Variants in KEAP1 observed in about 807,000 individuals in gnomAD.
KEAP1 encodes kelch like ECH associated protein 1.
In KEAP1, 26 loss-of-function variants were observed where a neutral mutation model predicts 59.7. The ratio of observed to expected loss-of-function variants is 0.44; its 90% CI spans 0.32 to 0.60. KEAP1 has a LOEUF of 0.60. KEAP1 is among the 20% of genes least tolerant of loss of function. KEAP1 has a pLI of 0.06. For synonymous variants in KEAP1, 350 were observed against 358.3 expected (o/e 0.98, Z 0.26); for missense variants, 539 against 871.4 (o/e 0.62, Z 4.80).
rs569481656 is a variant in KEAP1, at chr19:10,493,082, G to T, written c.640-820C>A. Among the ~76,000 whole-genome samples the T allele has an allele frequency of 3.9e-5, 6 of 151,916 alleles. No homozygotes were observed. In the South Asian group the frequency reaches 1.2e-3, roughly 32 times the overall value. ...GTGATCTTGCTTCACTGCAACCTCC[G>T]CCACCCAGGTTCAAGTGATTCTCCT... On this transcript the variant is annotated intron_variant, in intron 2 of 5. Transcript: ENST00000171111.
In KEAP1 at chr19:10,499,953, T is replaced by C. The variant is rs1480423994; in HGVS notation, c.81A>G (p.Ala27=). 1.2e-6 allele frequency: 2 copies of C among 1,606,476 alleles called. No individual in the cohort carries two copies. Among genetic ancestry groups the C allele is most frequent in the Non-Finnish European group, 8.5e-7 (1 of 1,174,784 alleles). ...LPLQSQCPEG[A]GDAVMYASTE... ...TGGAGGCGTACATCACCGCGTCCCC[T>C]GCCCCCTCAGGGCACTGTGACTGCA... The change falls in exon 2 of 6, where the codon GCA becomes GCG. Residue 27 remains alanine (A), a synonymous_variant. Coordinates refer to ENST00000171111, the MANE Select transcript of KEAP1 (RefSeq NM_203500.2). This position sits in a 1 kb window ranked among gnomAD's most constrained non-coding sequence, Gnocchi z 6.7.
At chr19:10,488,381 G>A (rs999662145) in intron 5 of KEAP1, among the ~76,000 whole-genome samples, 1 of 151,936 alleles carries the variant, frequency 6.6e-6, no homozygotes, top group Non-Finnish European at 1.5e-5. Context: ...GGGAGGCTGA[G>A]GTGGGCAGAT....
intron 1 of KEAP1, among the ~76,000 whole-genome samples, 167 bp from the exon 2 acceptor site, chr19:10,500,247 T>G (rs149392057): frequency 3.9e-5 from 6 of 152,342 alleles, no homozygotes; most frequent in African/African-American, 1.2e-4. Context: ...ATCAACCTGA[T>G]TGGCCCAAGA....
intron 3 of KEAP1, chr19:10,490,512 G>T (rs1914634515): frequency 6.6e-6 from 1 of 151,710 alleles, no homozygotes. Flanking sequence ...ATTGGGTTTC[G>T]CCATGTTGGC....
chr19:10,498,430 C>T (rs1175586788), intron 2 of KEAP1, among the ~76,000 whole-genome samples: 1 of 152,142 alleles, frequency 6.6e-6, no homozygotes, highest in Admixed American at 6.6e-5. Context: ...TGGTCTCAAA[C>T]TCCTGACCTC....
chr19:10,491,754 G>A lies in KEAP1; in HGVS notation c.1148C>T (p.Ser383Leu), dbSNP rs1319802890. Reference protein sequence around the residue: ...LLYAVGGRNNSPDGNTDSSAL... With the variant: ...LLYAVGGRNNLPDGNTDSSAL... Reference sequence around the variant, plus strand: ...GCTGGAGTCGGTGTTGCCGTCGGGCGAGTTGTTCCTGCCGCCCACGGCGTA... The same window carrying A: ...GCTGGAGTCGGTGTTGCCGTCGGGCAAGTTGTTCCTGCCGCCCACGGCGTA... Residue 383 changes from serine (S) to leucine (L), a missense_variant, in exon 3 of 6, where the codon TCG becomes TTG. This residue lies in a region of KEAP1 where 311 missense variants were observed against 425.2 expected (regional missense o/e 0.73). Coordinates refer to ENST00000171111, the MANE Select transcript of KEAP1 (RefSeq NM_203500.2). The surrounding 1 kb of genome is among the most constrained non-coding windows in gnomAD (Gnocchi z 5.2). The A allele has an allele frequency of 2.5e-6, 4 of 1,569,274 alleles. No individual in the cohort carries two copies. Among genetic ancestry groups the A allele is most frequent in the Non-Finnish European group, 3.5e-6 (4 of 1,156,794 alleles).
intron 2 of KEAP1, among the ~76,000 whole-genome samples, chr19:10,492,995 T>C (rs546612421): frequency 6.6e-6 from 1 of 151,260 alleles, no homozygotes; most frequent in South Asian, 2.1e-4. Flanking sequence ...TTAATTTTTA[T>C]TTTATTTTAT....
intron 3 of KEAP1, chr19:10,490,895 C>T (rs1477820598): frequency 2.0e-5 from 3 of 152,178 alleles, no homozygotes; most frequent in African/African-American, 7.2e-5. Context: ...AAGGAGAAAT[C>T]ACACATTCAG....
Position 10,489,309 on chromosome 19 carries a change from G to T in KEAP1, c.1591C>A (p.Leu531Met). The change falls in exon 5 of 6, where the codon CTG becomes ATG. Residue 531 changes from leucine (L) to methionine (M), a missense_variant. Transcript: ENST00000171111. ...AAGGYDGQDQ[L>M]NSVERYDVET... ...ACATCGTAGCGCTCCACGCTGTTCA[G>T]CTGGTCCTGACCATCATAGCCCCCA... is the stretch of plus-strand genomic sequence containing the variant. 6.2e-7 allele frequency: 1 copy of T among 1,614,032 alleles called. No individual in the cohort carries two copies. Among genetic ancestry groups the T allele is most frequent in the Non-Finnish European group, 8.5e-7 (1 of 1,180,010 alleles).
At chr19:10,492,889 T>G (rs1272283894) in intron 2 of KEAP1, among the ~76,000 whole-genome samples, 1 of 150,462 alleles carries the variant, frequency 6.6e-6, no homozygotes, top group African/African-American at 2.4e-5. Context: ...TGGCATGATC[T>G]AGGCTCACTG....
intron 2 of KEAP1, among the ~76,000 whole-genome samples, chr19:10,495,912 T>C (rs75688257): frequency 0.16 from 24,917 of 151,598 alleles, 2,178 homozygotes; most frequent in Middle Eastern, 0.22. Flanking sequence ...TAGCCAGGTG[T>C]GGTGGCTCAC....
chr19:10,497,272 A>G (rs1405510131), intron 2 of KEAP1, among the ~76,000 whole-genome samples: 1 of 152,168 alleles, frequency 6.6e-6, no homozygotes, highest in Non-Finnish European at 1.5e-5. Flanking sequence ...CCCTAGGACT[A>G]ACGCCAGAGA....
chr19:10,489,928 T>C (rs1235861812), intron 3 of KEAP1, 75 bp from the exon 4 acceptor site: 3 of 1,356,066 alleles, frequency 2.2e-6, no homozygotes, highest in Non-Finnish European at 3.0e-6. Flanking sequence ...GGCCAGATAC[T>C]CTTTTTTTTC....
Position 10,499,369 on chromosome 19 carries a change from GC to G in KEAP1, c.639+25del, listed in dbSNP as rs752827800. The G allele has an allele frequency of 1.2e-5, 19 of 1,537,820 alleles. No individual in the cohort carries two copies. In the South Asian group the frequency reaches 2.0e-4, roughly 17 times the overall value. On this transcript the variant is annotated intron_variant, in intron 2 of 5. Transcript: ENST00000171111. The surrounding 1 kb of genome is among the most constrained non-coding windows in gnomAD (Gnocchi z 6.7). ...CATCCCTGGTCCTTCTCCTGACACT[GC>G]CCCCAGCCCCACTTCCCCGCTCACC...
chr19:10,501,968 A>G (rs1055331581), intron 1 of KEAP1, among the ~76,000 whole-genome samples: 1 of 152,118 alleles, frequency 6.6e-6, no homozygotes, highest in Non-Finnish European at 1.5e-5. Flanking sequence ...TTTTATTGTC[A>G]TCACTGCGCT....
Position 10,503,126 on chromosome 19 carries a change from T to G in KEAP1, c.-48+115A>C, listed in dbSNP as rs1232253116. ...CCAGGTCGCCTCCGTAGGGGGTCCC[T>G]CGGGGTGGGGATGGCCGGGGCGCGC... On this transcript the variant is annotated intron_variant, in intron 1 of 5. Transcript: ENST00000171111. The surrounding 1 kb of genome is among the most constrained non-coding windows in gnomAD (Gnocchi z 4.3). 1 of 151,890 alleles carries G rather than the reference T, an allele frequency of 6.6e-6. No homozygotes were observed. Among genetic ancestry groups the G allele is most frequent in the Non-Finnish European group, 1.5e-5 (1 of 67,986 alleles). The allele number at this position is 151,890 out of a possible 1,614,324, so 9.4% of individuals were successfully genotyped here.
At position 10,499,830 on chromosome 19, in the gene KEAP1, G is replaced by A. The variant is rs375868044; in HGVS notation, c.204C>T (p.Asn68=). 1.2e-5 allele frequency: 19 copies of A among 1,613,964 alleles called. No individual in the cohort carries two copies. In the East Asian group the frequency reaches 2.2e-4, roughly 19 times the overall value. ...ACAGCTGCTGGCTGAGCCGCAGCTC[G>A]TTCATGATGCCAAAGGCCTGCTTGG... ...DHTKQAFGIM[N]ELRLSQQLCD... Residue 68 remains asparagine, a synonymous_variant, in exon 2 of 6, where the codon AAC becomes AAT. Transcript: ENST00000171111. This position sits in a 1 kb window ranked among gnomAD's most constrained non-coding sequence, Gnocchi z 6.7.
chr19:10,493,419 C>T (rs1393307654), intron 2 of KEAP1, among the ~76,000 whole-genome samples: 1 of 151,976 alleles, frequency 6.6e-6, no homozygotes, highest in Non-Finnish European at 1.5e-5. Context: ...GCCTTAGCCT[C>T]CCAAAGTGCT....
In KEAP1 at chr19:10,500,098, C is replaced by CAGGGAAG. The variant is rs1483390251; in HGVS notation, c.-47-19_-47-18insCTTCCCT. 2 of 1,485,768 alleles carry CAGGGAAG rather than the reference C, an allele frequency of 1.3e-6. No homozygotes were observed. The highest frequency in any genetic ancestry group is 1.8e-6 in the Non-Finnish European group (2 of 1,114,906). 92.0% of individuals were successfully genotyped at this position (1,485,768 alleles called of 1,614,324 possible). On this transcript the variant is annotated intron_variant, in intron 1 of 5. Coordinates refer to ENST00000171111, the MANE Select transcript of KEAP1 (RefSeq NM_203500.2). ...TCAGGGACCTGGAGGGGAGAGAGCACAGGGCAGAGGGCAGGGGTTGGGACT... is the reference window on the plus strand; with the variant it reads ...TCAGGGACCTGGAGGGGAGAGAGCACAGGGAAGAGGGCAGAGGGCAGGGGTTGGGACT...
Sources: allele counts gnomAD v4.1 joint callset (sites outside exome capture counted in the v4.1 genomes callset), GRCh38; gene constraint gnomAD v4.1.1; regional missense constraint gnomAD v4.1.1; non-coding constraint Gnocchi (gnomAD v3.1); transcripts MANE v1.5; gene names NCBI Gene and HGNC (gene_info 2026-07-23, HGNC 2026-07-21).